The following BCR variants were observed in gnomAD, a reference collection of about 807,000 sequenced individuals.
BCR encodes BCR activator of RhoGEF and GTPase, also known as breakpoint cluster region protein.
Under a neutral mutation model 138.6 loss-of-function variants are expected in BCR, and 58 were observed. That is an observed-to-expected ratio of 0.42 (90% CI 0.34 to 0.52). The LOEUF (loss-of-function observed/expected upper bound fraction) is 0.52. Among genes scored for constraint, BCR ranks in the 20% least tolerant of loss-of-function variants. The probability of loss-of-function intolerance (pLI) is 0.06; values close to 1 mark genes in which losing one functional copy is unlikely to be tolerated. For missense variants in BCR, 1,599 were observed against 1,727.2 expected (o/e 0.93, Z 1.32); for synonymous variants, 786 against 730.1 (o/e 1.08, Z -1.23).
At position 23,181,836 on chromosome 22, in the gene BCR, C is replaced by T. The variant is rs1236582177; in HGVS notation, c.876C>T (p.Gly292=). The change falls in exon 1 of 23, where the codon GGC becomes GGT. Residue 292 remains glycine (G), a synonymous_variant. Coordinates refer to ENST00000305877, the MANE Select transcript of BCR (RefSeq NM_004327.4). ...TCGGGGGCATGATGGAAGGGGAGGG[C>T]AAGGGCCCGCTCCTGCGCAGCCAGA... ...IYVGGMMEGE[G]KGPLLRSQST... 3.7e-6 allele frequency: 6 copies of T among 1,611,676 alleles called. No individual in the cohort carries two copies. Among genetic ancestry groups the T allele is most frequent in the South Asian group, 1.1e-5 (1 of 91,070 alleles).
intron 1 of BCR, among the ~76,000 whole-genome samples, chr22:23,218,171 T>C (rs1392715470): frequency 6.6e-6 from 1 of 152,222 alleles, no homozygotes; most frequent in Non-Finnish European, 1.5e-5. Flanking sequence ...GGGTTTGTGC[T>C]CTGACCTGAC....
chr22:23,273,162 A>G, intron 7 of BCR, 29 bp downstream of exon 7: 1 of 1,609,176 alleles, frequency 6.2e-7, no homozygotes, highest in Non-Finnish European at 8.5e-7. Context: ...CTGGACCGGG[A>G]CCAAAACTGC....
intron 16 of BCR, among the ~76,000 whole-genome samples, chr22:23,296,274 C>G (rs200374773): frequency 1.3e-5 from 2 of 149,742 alleles, no homozygotes; most frequent in East Asian, 3.9e-4. Context: ...CTCGGGAGGC[C>G]GAGGCAGGAG....
In BCR at chr22:23,284,056, C is replaced by A; in HGVS notation, c.2195C>A (p.Thr732Asn). 6.2e-7 allele frequency: 1 copy of A among 1,610,756 alleles called. No homozygotes were observed. Residue 732 changes from threonine to asparagine, a missense_variant, in exon 9 of 23, where the codon ACC becomes AAC. By Grantham distance (65) the Thr-to-Asn change is moderately conservative (BLOSUM62 0). Coordinates refer to ENST00000305877, the MANE Select transcript of BCR (RefSeq NM_004327.4). Reference protein sequence around the residue: ...ARKLRHVFLFTDLLLCTKLKK... With the variant: ...ARKLRHVFLFNDLLLCTKLKK... ...AAGCTGCGCCACGTCTTCCTGTTCACCGACCTGCTTCTCTGCACCAAGCTC... is the reference window on the plus strand; with the variant it reads ...AAGCTGCGCCACGTCTTCCTGTTCAACGACCTGCTTCTCTGCACCAAGCTC...
chr22:23,314,539 T>C lies in BCR; in HGVS notation c.3564-13T>C, dbSNP rs751676104. 2.8e-5 allele frequency: 45 copies of C among 1,610,638 alleles called. No individual in the cohort carries two copies. Among genetic ancestry groups the C allele is most frequent in the East Asian group, 6.7e-5 (3 of 44,870 alleles). On this transcript the variant is annotated splice_polypyrimidine_tract_variant and intron_variant, in intron 21 of 22. Coordinates refer to ENST00000305877, the MANE Select transcript of BCR (RefSeq NM_004327.4). ...GGCGTTGAAACAGCACCCGCTGCTT[T>C]GGTCCTCTACAGGGTGGCAGAGAAG...
At chr22:23,235,086 G>C (rs919353283) in intron 1 of BCR, among the ~76,000 whole-genome samples, 3 of 143,702 alleles carry the variant, frequency 2.1e-5, no homozygotes, top group African/African-American at 7.4e-5. Context: ...TCTTCTCCAG[G>C]TTCTGTGGGG....
chr22:23,287,251 C>A lies in BCR; in HGVS notation c.2499C>A (p.Ala833=). The A allele has an allele frequency of 6.4e-7, 1 of 1,555,826 alleles. No individual in the cohort carries two copies. The highest frequency in any genetic ancestry group is 1.2e-5 in the South Asian group (1 of 84,220). ...SLLLLMSPSM[A]FRVHSRNGKS... is the part of the protein sequence containing the mutation. ...TGCTGCTTATGTCTCCCAGCATGGC[C>A]TTCAGGGTGCACAGCCGCAACGGCA... Residue 833 remains alanine, a synonymous_variant, in exon 11 of 23, where the codon GCC becomes GCA. Coordinates refer to ENST00000305877, the MANE Select transcript of BCR (RefSeq NM_004327.4).
At chr22:23,252,667 G>A (rs890477465) in intron 1 of BCR, among the ~76,000 whole-genome samples, 2 of 152,006 alleles carry the variant, frequency 1.3e-5, no homozygotes, top group Non-Finnish European at 2.9e-5. Context: ...CTGACCTCAA[G>A]TGATCCACCC....
At position 23,182,226 on chromosome 22, in the gene BCR, C is replaced by A; in HGVS notation, c.1266C>A (p.Phe422Leu). Residue 422 changes from phenylalanine (F) to leucine (L), a missense_variant, in exon 1 of 23, where the codon TTC becomes TTA. Physicochemically the swap from Phe to Leu is conservative, Grantham distance 22. Transcript: ENST00000305877. ...QIWPNDGEGAFHGDADGSFGT... is the reference protein window; with the variant it reads ...QIWPNDGEGALHGDADGSFGT... Reference sequence around the variant, plus strand: ...GGCCCAACGATGGCGAGGGCGCCTTCCATGGAGACGCAGGTGAGTTCCTCA... The same window carrying A: ...GGCCCAACGATGGCGAGGGCGCCTTACATGGAGACGCAGGTGAGTTCCTCA... 6.4e-7 allele frequency: 1 copy of A among 1,571,618 alleles called. No homozygotes were observed. The highest frequency in any genetic ancestry group is 8.6e-7 in the Non-Finnish European group (1 of 1,162,322).
At chr22:23,204,004 G>A (rs879554719) in intron 1 of BCR, among the ~76,000 whole-genome samples, 16 of 152,190 alleles carry the variant, frequency 1.1e-4, no homozygotes, top group Non-Finnish European at 2.1e-4. Flanking sequence ...GCAGGCAGTG[G>A]GTTCAGATGG....
chr22:23,210,625 A>G (rs921302742), intron 1 of BCR, among the ~76,000 whole-genome samples: 1 of 152,122 alleles, frequency 6.6e-6, no homozygotes, highest in African/African-American at 2.4e-5. Flanking sequence ...AACTTGCATT[A>G]CCCCTTGTTC....
At chr22:23,230,488 A>G (rs1026756113) in intron 1 of BCR, among the ~76,000 whole-genome samples, 1 of 152,154 alleles carries the variant, frequency 6.6e-6, no homozygotes, top group Non-Finnish European at 1.5e-5. Context: ...GGCTAAGCTG[A>G]TACACACACT....
At chr22:23,263,190 T>G in intron 4 of BCR, 1 of 883,134 alleles carries the variant, frequency 1.1e-6, no homozygotes, top group Non-Finnish European at 1.7e-6. Context: ...GTCAGCCGCC[T>G]GCCCGGCTGC....
In BCR at chr22:23,315,717, G is replaced by A. The variant is rs2074064653; in HGVS notation, c.*195G>A. 1 of 673,250 alleles carries A rather than the reference G, an allele frequency of 1.5e-6. No homozygotes were observed. Among genetic ancestry groups the A allele is most frequent in the African/African-American group, 1.8e-5 (1 of 56,766 alleles). 41.7% of individuals were successfully genotyped at this position (673,250 alleles called of 1,614,324 possible). On this transcript the variant is annotated 3_prime_UTR_variant, in exon 23 of 23. Transcript: ENST00000305877. ...TCCCGCCCAGGTCTGGGAGCCCCAG[G>A]CTGGCCTCAGACTGTGGTTTTTTAT...
intron 5 of BCR, among the ~76,000 whole-genome samples, chr22:23,269,512 G>A (rs574311912): frequency 2.0e-5 from 3 of 152,196 alleles, no homozygotes; most frequent in East Asian, 1.9e-4. Flanking sequence ...CTGAGGCTTT[G>A]TGCCGTCTTA....
Position 23,255,046 on chromosome 22 carries a change from A to T in BCR, c.1461+1066A>T, listed in dbSNP as rs147655968. On this transcript the variant is annotated intron_variant, in intron 2 of 22. Coordinates refer to ENST00000305877, the MANE Select transcript of BCR (RefSeq NM_004327.4). ...CCTATCTTTAAAAATAATAATAAAA[A>T]AATAAATAAAAAGAGCAAGAGAGAG... Among the ~76,000 whole-genome samples, 556 of 152,196 alleles carry T rather than the reference A, an allele frequency of 3.7e-3. 2 individuals carry two copies. The highest frequency in any genetic ancestry group is 0.013 in the African/African-American group (538 of 41,476).
At chr22:23,214,491 T>G (rs568240248) in intron 1 of BCR, among the ~76,000 whole-genome samples, 1 of 152,330 alleles carries the variant, frequency 6.6e-6, no homozygotes, top group South Asian at 2.1e-4. Flanking sequence ...GCCCCAGCCT[T>G]CCACCTCTGT....
intron 1 of BCR, among the ~76,000 whole-genome samples, chr22:23,250,041 A>G (rs1339131657): frequency 6.6e-6 from 1 of 152,194 alleles, no homozygotes; most frequent in Non-Finnish European, 1.5e-5. Flanking sequence ...GTCTCACTGG[A>G]CACAGGCAGG....
In BCR at chr22:23,285,081, C is replaced by T; in HGVS notation, c.2286C>T (p.Leu762=). 1 of 1,614,144 alleles carries T rather than the reference C, an allele frequency of 6.2e-7. No homozygotes were observed. Among genetic ancestry groups the T allele is most frequent in the South Asian group, 1.1e-5 (1 of 91,070 alleles). ...DCKWYIPLTD[L]SFQMVDELEA... The stretch of plus-strand genomic sequence containing the variant: ...AATGGTACATTCCGCTCACGGATCT[C>T]AGCTTCCAGATGGTGGATGAACTGG... The change falls in exon 10 of 23, where the codon CTC becomes CTT. Residue 762 remains leucine, a synonymous_variant. Coordinates refer to ENST00000305877, the MANE Select transcript of BCR (RefSeq NM_004327.4).
Sources: gnomAD v4.1 joint callset for allele counts (sites outside exome capture counted in the v4.1 genomes callset) on GRCh38, gnomAD v4.1.1 for gene constraint, MANE v1.5 for transcripts, NCBI Gene and HGNC (gene_info 2026-07-23, HGNC 2026-07-21) for gene names.